LDLRAD4: variants seen among roughly 807,000 people sequenced by gnomAD.
LDLRAD4 encodes low density lipoprotein receptor class A domain containing 4, also known as low-density lipoprotein receptor class A domain-containing protein 4.
Under a neutral mutation model 17.0 loss-of-function variants are expected in LDLRAD4, and 5 were observed. The ratio of observed to expected loss-of-function variants is 0.29; its 90% CI spans 0.15 to 0.62. The LOEUF is 0.62. LDLRAD4 is among the 20% of genes least tolerant of loss of function. The probability of loss-of-function intolerance (pLI) is 0.84; values close to 1 mark genes in which losing one functional copy is unlikely to be tolerated. For missense variants in LDLRAD4, 340 were observed against 424.7 expected (o/e 0.80, Z 1.75); for synonymous variants, 168 against 171.8 (o/e 0.98, Z 0.17).
At chr18:13,542,232 G>A (rs1176026918) in intron 3 of LDLRAD4, 1 of 152,206 alleles carries the variant, frequency 6.6e-6, no homozygotes, top group Non-Finnish European at 1.5e-5. Context: ...TGTGTTTTAT[G>A]GAGAGGCTGT....
At chr18:13,373,003 A>G (rs1466304313) in intron 1 of LDLRAD4, among the ~76,000 whole-genome samples, 2 of 152,180 alleles carry the variant, frequency 1.3e-5, no homozygotes. Flanking sequence ...AATATCAACA[A>G]CGGATTTTCT....
chr18:13,527,982 C>T (rs1235541950), intron 3 of LDLRAD4, among the ~76,000 whole-genome samples: 1 of 152,202 alleles, frequency 6.6e-6, no homozygotes, highest in Admixed American at 6.5e-5. Flanking sequence ...TCTGTCGGCT[C>T]CTGCCCTCCA....
chr18:13,504,000 A>G (rs2093653026), intron 3 of LDLRAD4, among the ~76,000 whole-genome samples: 1 of 152,208 alleles, frequency 6.6e-6, no homozygotes, highest in African/African-American at 2.4e-5. Flanking sequence ...AAATGAACTC[A>G]TGTAGTCCTC....
intron 1 of LDLRAD4, among the ~76,000 whole-genome samples, chr18:13,247,074 G>C (rs958805674): frequency 2.6e-5 from 4 of 151,906 alleles, no homozygotes; most frequent in Non-Finnish European, 1.5e-5. Context: ...AAACATATCC[G>C]TTCTCACCAG....
intron 3 of LDLRAD4, among the ~76,000 whole-genome samples, chr18:13,503,914 G>T (rs895548707): frequency 1.3e-5 from 2 of 152,198 alleles, no homozygotes; most frequent in East Asian, 3.9e-4. Context: ...TATATTTAAA[G>T]ATTTATTTTT....
intron 1 of LDLRAD4, among the ~76,000 whole-genome samples, chr18:13,262,033 T>C (rs374737776): frequency 1.5e-3 from 190 of 130,848 alleles, no homozygotes; most frequent in East Asian, 2.6e-3. Flanking sequence ...CCCGTGTGGC[T>C]CTGTGCATGG....
intron 2 of LDLRAD4, among the ~76,000 whole-genome samples, chr18:13,397,264 C>G (rs947647439): frequency 6.6e-6 from 1 of 152,162 alleles, no homozygotes; most frequent in East Asian, 1.9e-4. Context: ...TTGCCTCAGC[C>G]TCCCAAGTAG....
intron 2 of LDLRAD4, among the ~76,000 whole-genome samples, chr18:13,431,537 G>GT (rs1271302973): frequency 2.6e-5 from 4 of 152,208 alleles, no homozygotes; most frequent in African/African-American, 9.7e-5. Flanking sequence ...TTGCAGGTCT[G>GT]TAAGTCCGAA....
At chr18:13,536,861 T>C (rs1232917458) in intron 3 of LDLRAD4, among the ~76,000 whole-genome samples, 2 of 152,216 alleles carry the variant, frequency 1.3e-5, no homozygotes, top group Non-Finnish European at 2.9e-5. Context: ...AAATACTTTT[T>C]CTGCATCTAT....
At chr18:13,511,917 G>A (rs952007124) in intron 3 of LDLRAD4, among the ~76,000 whole-genome samples, 18 of 152,240 alleles carry the variant, frequency 1.2e-4, no homozygotes, top group African/African-American at 3.1e-4. Context: ...TATTTTTAGC[G>A]TCACTGGCAT....
At chr18:13,524,364 T>C (rs115098091) in intron 3 of LDLRAD4, among the ~76,000 whole-genome samples, 1,572 of 152,352 alleles carry the variant, frequency 0.01, 37 homozygotes, top group African/African-American at 0.037. Flanking sequence ...GTTTAATTTT[T>C]TCTAAAGAAA....
intron 3 of LDLRAD4, chr18:13,491,137 C>T (rs762400296): frequency 1.3e-5 from 2 of 152,262 alleles, no homozygotes; most frequent in Non-Finnish European, 2.9e-5. Context: ...TGTGGGACAC[C>T]AGGCAGAGTC....
chr18:13,254,531 C>T (rs1464988253), intron 1 of LDLRAD4, among the ~76,000 whole-genome samples: 4 of 152,156 alleles, frequency 2.6e-5, no homozygotes, highest in Non-Finnish European at 2.9e-5. Context: ...AGAGTGCCAG[C>T]GACCCTCCAT....
chr18:13,403,146 A>G (rs937362458), intron 2 of LDLRAD4, among the ~76,000 whole-genome samples: 3 of 152,262 alleles, frequency 2.0e-5, no homozygotes, highest in African/African-American at 4.8e-5. Flanking sequence ...AATGAAGAAT[A>G]AAGACTTAAT....
At chr18:13,390,115 A>G (rs1323901959) in intron 2 of LDLRAD4, among the ~76,000 whole-genome samples, 1 of 152,206 alleles carries the variant, frequency 6.6e-6, no homozygotes, top group African/African-American at 2.4e-5. Flanking sequence ...TGCACATTTT[A>G]TCATTTCTTT....
chr18:13,263,437 C>A (rs920050348), intron 1 of LDLRAD4, among the ~76,000 whole-genome samples: 1 of 152,188 alleles, frequency 6.6e-6, no homozygotes, highest in East Asian at 1.9e-4. Flanking sequence ...CTCAGGGCAG[C>A]CTGGTGAGGA....
intron 2 of LDLRAD4, among the ~76,000 whole-genome samples, chr18:13,393,266 G>C (rs142144048): frequency 1.1e-3 from 171 of 152,296 alleles, no homozygotes; most frequent in African/African-American, 3.9e-3. Flanking sequence ...GTGAATTAAT[G>C]GCCAAAGCTT....
intron 3 of LDLRAD4, among the ~76,000 whole-genome samples, chr18:13,476,623 C>CA (rs11388844): frequency 0.036 from 5,317 of 146,164 alleles, 160 homozygotes; most frequent in East Asian, 0.12. Flanking sequence ...GAACCTGTCT[C>CA]AAAAAAAAAA....
chr18:13,582,472 C>T (rs1247031467), intron 3 of LDLRAD4, among the ~76,000 whole-genome samples: 1 of 152,220 alleles, frequency 6.6e-6, no homozygotes, highest in African/African-American at 2.4e-5. Context: ...CCAGGCTTGC[C>T]CGCTAAGGCC....
Sources: gnomAD v4.1 joint callset for allele counts (sites outside exome capture counted in the v4.1 genomes callset) on GRCh38, gnomAD v4.1.1 for gene constraint, MANE v1.5 for transcripts, NCBI Gene and HGNC (gene_info 2026-07-23, HGNC 2026-07-21) for gene names.